MLLT3: variants seen among roughly 807,000 people sequenced by gnomAD.
The protein encoded by MLLT3 is protein AF-9.
Under a neutral mutation model 53.2 loss-of-function variants are expected in MLLT3, and 4 were observed. That is an observed-to-expected ratio of 0.08 (90% CI 0.04 to 0.17). The LOEUF is 0.17. MLLT3 is among the 10% of genes least tolerant of loss of function. The pLI is 1.00. For synonymous variants in MLLT3, 283 were observed against 230.6 expected (o/e 1.23, Z -2.06); for missense variants, 569 against 684.0 (o/e 0.83, Z 1.87).
intron 2 of MLLT3, among the ~76,000 whole-genome samples, chr9:20,461,641 A>G (rs987845675): frequency 2.0e-5 from 3 of 152,230 alleles, no homozygotes; most frequent in Admixed American, 6.5e-5. Flanking sequence ...ACCAAAAGAA[A>G]AAACGCTGCC....
chr9:20,485,107 G>A (rs1029453150), intron 2 of MLLT3, among the ~76,000 whole-genome samples: 17 of 151,598 alleles, frequency 1.1e-4, no homozygotes, highest in Non-Finnish European at 1.3e-4. Context: ...TCCTCCCTCA[G>A]CCTCCCCAGT....
chr9:20,508,872 C>T (rs902989861), intron 2 of MLLT3, among the ~76,000 whole-genome samples: 5 of 152,216 alleles, frequency 3.3e-5, no homozygotes, highest in African/African-American at 4.8e-5. Flanking sequence ...ATATGGCTGT[C>T]GTCTCTACAT....
At chr9:20,536,440 G>A (rs1818488087) in intron 2 of MLLT3, among the ~76,000 whole-genome samples, 1 of 151,958 alleles carries the variant, frequency 6.6e-6, no homozygotes, top group African/African-American at 2.4e-5. Flanking sequence ...GAGTATACTG[G>A]GATTATTCAA....
intron 2 of MLLT3, among the ~76,000 whole-genome samples, chr9:20,527,023 CTGGACACAAGTACT>C (rs1393141807): frequency 6.6e-6 from 1 of 152,130 alleles, no homozygotes; most frequent in Non-Finnish European, 1.5e-5. Context: ...TTTATATATT[CTGGACACAAGTACT>C]TGGTCCAAAG....
rs1344515027 is a variant in MLLT3 at position 20,622,238 on chromosome 9, T to A, written c.12+7A>T. 7 of 1,596,876 alleles carry A rather than the reference T, an allele frequency of 4.4e-6. No individual in the cohort carries two copies. Among genetic ancestry groups the A allele is most frequent in the Non-Finnish European group, 6.0e-6 (7 of 1,169,036 alleles). On this transcript the variant is annotated splice_region_variant and intron_variant, in intron 1 of 10. Coordinates refer to ENST00000380338, the MANE Select transcript of MLLT3 (RefSeq NM_004529.4). ...GGGCTTTTATTATTATTTTTGCGCG[T>A]ACTTACCGAGCTAGCCATGCCTGGG...
chr9:20,600,703 C>G (rs1820398988), intron 2 of MLLT3, among the ~76,000 whole-genome samples: 1 of 152,210 alleles, frequency 6.6e-6, no homozygotes, highest in African/African-American at 2.4e-5. Flanking sequence ...ACTCTTCTTT[C>G]AAAGCCAGAA....
chr9:20,388,731 C>T (rs945506875), intron 5 of MLLT3, among the ~76,000 whole-genome samples: 2 of 151,930 alleles, frequency 1.3e-5, no homozygotes, highest in East Asian at 1.9e-4. Flanking sequence ...CAGTTTCTCA[C>T]GAAAGTTATA....
intron 4 of MLLT3, among the ~76,000 whole-genome samples, chr9:20,441,230 T>G (rs763430036): frequency 1.6e-4 from 24 of 152,122 alleles, no homozygotes; most frequent in Non-Finnish European, 7.4e-5. Flanking sequence ...ACGAAAGTTG[T>G]TTTATCACAC....
chr9:20,354,872 T>C lies in MLLT3; in HGVS notation c.1439A>G (p.Glu480Gly), dbSNP rs756811279. The change falls in exon 9 of 11, where the codon GAA becomes GGA. Residue 480 changes from glutamate (E) to glycine (G), a missense_variant. Glu to Gly is a moderately conservative substitution (Grantham distance 98). This residue lies in a region of MLLT3 where 437 missense variants were observed against 376.5 expected (regional missense o/e 1.16). Transcript: ENST00000380338. The stretch of plus-strand genomic sequence containing the variant: ...GCTTTGCTTTATTGGACTTTTCACT[T>C]CAAGAATCTAGGGATCAAAGAGAAC... ...LLKTNNNQIL[E>G]VKSPIKQSKS... 1 of 1,611,086 alleles carries C rather than the reference T, an allele frequency of 6.2e-7. No homozygotes were observed. The highest frequency in any genetic ancestry group is 8.5e-7 in the Non-Finnish European group (1 of 1,177,492).
chr9:20,594,676 AGCCAAAACCC>A (rs1381625892), intron 2 of MLLT3, among the ~76,000 whole-genome samples: 2 of 152,232 alleles, frequency 1.3e-5, no homozygotes, highest in African/African-American at 2.4e-5. Flanking sequence ...TAAAGAAGTC[AGCCAAAACCC>A]GCCAAAACCC....
At chr9:20,530,567 C>G (rs1025514927) in intron 2 of MLLT3, among the ~76,000 whole-genome samples, 8 of 152,168 alleles carry the variant, frequency 5.3e-5, no homozygotes, top group African/African-American at 1.9e-4. Flanking sequence ...TTTCAGAAAT[C>G]CGTACCTATA....
intron 4 of MLLT3, among the ~76,000 whole-genome samples, chr9:20,439,558 G>A (rs1482476885): frequency 6.6e-6 from 1 of 152,040 alleles, no homozygotes; most frequent in Admixed American, 6.6e-5. Flanking sequence ...TCTTAAGCCA[G>A]TAAGTTTAAT....
At position 20,621,881 on chromosome 9, in the gene MLLT3, T is replaced by TTA; in HGVS notation, c.12+362_12+363dup. On this transcript the variant is annotated intron_variant, in intron 1 of 10. Coordinates refer to ENST00000380338, the MANE Select transcript of MLLT3 (RefSeq NM_004529.4). This position sits in a 1 kb window ranked among gnomAD's most constrained non-coding sequence, Gnocchi z 7.0. ...CGGCGGCGGCTGAAATATGGCTGAG[T>TTA]TATTATTCGCCTCCTTCCACCGTGT... The TTA allele has an allele frequency of 7.3e-7, 1 of 1,361,888 alleles. No individual in the cohort carries two copies. Among genetic ancestry groups the TTA allele is most frequent in the South Asian group, 1.8e-5 (1 of 56,728 alleles). 84.4% of individuals were successfully genotyped at this position (1,361,888 alleles called of 1,614,324 possible).
chr9:20,491,686 G>GTT (rs1381670716), intron 2 of MLLT3, among the ~76,000 whole-genome samples: 1 of 152,098 alleles, frequency 6.6e-6, no homozygotes, highest in East Asian at 1.9e-4. Flanking sequence ...TTCCAAAACA[G>GTT]TAAGTGTCAA....
intron 4 of MLLT3, among the ~76,000 whole-genome samples, chr9:20,442,056 C>T (rs1823568620): frequency 6.6e-6 from 1 of 152,080 alleles, no homozygotes; most frequent in South Asian, 2.1e-4. Flanking sequence ...AACTGAAACA[C>T]TTAGAATATT....
chr9:20,372,267 G>C (rs926064413), intron 5 of MLLT3, among the ~76,000 whole-genome samples: 1 of 152,238 alleles, frequency 6.6e-6, no homozygotes, highest in East Asian at 1.9e-4. Flanking sequence ...CGATAAAGCA[G>C]TGGCAGGGTT....
intron 10 of MLLT3, among the ~76,000 whole-genome samples, chr9:20,351,239 T>C (rs1200020768): frequency 1.3e-5 from 2 of 152,166 alleles, no homozygotes; most frequent in Non-Finnish European, 2.9e-5. Context: ...CTGCAGACAA[T>C]TCGAAAAGAA....
chr9:20,508,448 G>A (rs1461470503), intron 2 of MLLT3, among the ~76,000 whole-genome samples: 1 of 152,126 alleles, frequency 6.6e-6, no homozygotes, highest in Non-Finnish European at 1.5e-5. Context: ...TATCATCCCA[G>A]GATCTAGAGA....
At chr9:20,514,875 C>T (rs1011261495) in intron 2 of MLLT3, among the ~76,000 whole-genome samples, 4 of 151,818 alleles carry the variant, frequency 2.6e-5, no homozygotes, top group Admixed American at 6.6e-5. Context: ...AATGTGTTTC[C>T]TGGTTACCAC....
Sources: gnomAD v4.1 joint callset for allele counts (sites outside exome capture counted in the v4.1 genomes callset) on GRCh38, gnomAD v4.1.1 for gene constraint, gnomAD v4.1.1 regional missense constraint, Gnocchi (gnomAD v3.1) non-coding constraint, MANE v1.5 for transcripts, NCBI Gene and HGNC (gene_info 2026-07-23, HGNC 2026-07-21) for gene names.